The following ADGRF5 variants were observed in gnomAD, a reference collection of about 807,000 sequenced individuals.
The protein encoded by ADGRF5 is G-protein coupled receptor 116.
A neutral mutation model predicts 132.3 loss-of-function variants in ADGRF5; 75 were observed. That is an observed-to-expected ratio of 0.57 (90% CI 0.47 to 0.69). The LOEUF (loss-of-function observed/expected upper bound fraction) is 0.69, where lower values mean the gene tolerates loss of function less well. Ranked by LOEUF, ADGRF5 falls within the 30% of genes least tolerant of loss-of-function variation. The pLI, the probability that ADGRF5 is intolerant of heterozygous loss-of-function variation, is 0.00. For missense variants in ADGRF5, 1,516 were observed against 1,630.6 expected (o/e 0.93, Z 1.21); for synonymous variants, 629 against 597.6 (o/e 1.05, Z -0.77).
chr6:46,883,185 C>T (rs574043150), intron 6 of ADGRF5, among the ~76,000 whole-genome samples: 52 of 152,288 alleles, frequency 3.4e-4, no homozygotes, highest in African/African-American at 3.6e-4. Flanking sequence ...TGCTCAGCCA[C>T]GGGTTGGTCT....
At chr6:46,944,899 G>A (rs569288106) in intron 1 of ADGRF5, among the ~76,000 whole-genome samples, 2 of 152,212 alleles carry the variant, frequency 1.3e-5, no homozygotes, top group African/African-American at 4.8e-5. Context: ...GAGGTTGGGT[G>A]GAATCTGTAC....
chr6:46,906,026 G>C lies in ADGRF5; in HGVS notation c.102+635C>G, dbSNP rs1294586802. ...GTAACATGCCCTGTCTCTGGTGCAG[G>C]GAGAAGCTAAGTAAGGAATAACCTG... On this transcript the variant is annotated intron_variant, in intron 2 of 20. Coordinates refer to ENST00000283296, the MANE Select transcript of ADGRF5 (RefSeq NM_001098518.2). Among the ~76,000 whole-genome samples the C allele has an allele frequency of 2.6e-5, 4 of 152,144 alleles. No homozygotes were observed. In the East Asian group the frequency reaches 7.7e-4, roughly 29 times the overall value.
At chr6:46,926,482 AG>A (rs5875991), upstream of ADGRF5, among the ~76,000 whole-genome samples, 135,851 of 151,430 alleles carry the variant, frequency 0.9, 61,164 homozygotes, top group African/African-American at 0.91. Context: ...ATCTCGGGTG[AG>A]GGGGGGGGCA....
At position 46,866,984 on chromosome 6, in the gene ADGRF5, A is replaced by G. The variant is rs917189693; in HGVS notation, c.1775T>C (p.Ile592Thr). ...AACTTTGTAGTCTCCATCCTCCTCT[A>G]TGCAGCACTTGATGTGATGGGAACC... ...CSGSHHIKCC[I>T]EEDGDYKVTF... Residue 592 changes from isoleucine to threonine, a missense_variant, in exon 13 of 21, where the codon ATA (isoleucine) becomes ACA (threonine). Around this residue, in one of 2 missense-constraint regions of ADGRF5, gnomAD observed 945 missense variants for 929.4 expected, o/e 1.02. Transcript: ENST00000283296. 15 of 1,613,854 alleles carry G rather than the reference A, an allele frequency of 9.3e-6. No individual in the cohort carries two copies. The highest frequency in any genetic ancestry group is 4.5e-5 in the East Asian group (2 of 44,896).
chr6:46,868,868 C>T lies in ADGRF5; in HGVS notation c.1621+15G>A, dbSNP rs370343813. 5.5e-5 allele frequency: 85 copies of T among 1,553,420 alleles called. No individual in the cohort carries two copies. In the African/African-American group the frequency reaches 7.9e-4, roughly 14 times the overall value. Reference sequence around the variant, plus strand: ...AGCCCAGGCAGCACAATACGGTGTCCGGCCTTTCACTCACCATTCCACTCC... The same window carrying T: ...AGCCCAGGCAGCACAATACGGTGTCTGGCCTTTCACTCACCATTCCACTCC... On this transcript the variant is annotated intron_variant, in intron 12 of 20. Coordinates refer to ENST00000283296, the MANE Select transcript of ADGRF5 (RefSeq NM_001098518.2).
At chr6:46,922,955 C>T (rs928480182), upstream of ADGRF5, among the ~76,000 whole-genome samples, 36 of 152,184 alleles carry the variant, frequency 2.4e-4, no homozygotes, top group Non-Finnish European at 4.4e-5. Context: ...TAGACGGAGT[C>T]TCGCTCTGTC....
intron 2 of ADGRF5, among the ~76,000 whole-genome samples, chr6:46,900,472 C>T (rs1774638429): frequency 1.3e-5 from 2 of 152,192 alleles, no homozygotes; most frequent in African/African-American, 4.8e-5. Flanking sequence ...GTCTCACGAC[C>T]TCCTTCTCAA....
chr6:46,919,560 T>G (rs981833678), intron 1 of ADGRF5, among the ~76,000 whole-genome samples: 10 of 152,150 alleles, frequency 6.6e-5, no homozygotes, highest in African/African-American at 1.9e-4. Flanking sequence ...AAGTACCCCA[T>G]AGCGCAGTAA....
chr6:46,856,525 A>G (rs1769066625), intron 19 of ADGRF5, among the ~76,000 whole-genome samples, 193 bp downstream of exon 19: 1 of 152,250 alleles, frequency 6.6e-6, no homozygotes, highest in Non-Finnish European at 1.5e-5. Context: ...AATAGACAGA[A>G]TGACTTGAGA....
At chr6:46,931,516 T>C (rs543129281) in intron 1 of ADGRF5, among the ~76,000 whole-genome samples, 1 of 152,340 alleles carries the variant, frequency 6.6e-6, no homozygotes, top group South Asian at 2.1e-4. Context: ...GTTGGCCACT[T>C]CTTCCTTCTT....
chr6:46,925,821 G>T (rs1010482287), upstream of ADGRF5, among the ~76,000 whole-genome samples: 1 of 152,200 alleles, frequency 6.6e-6, no homozygotes, highest in South Asian at 2.1e-4. Flanking sequence ...AATTATTAAC[G>T]CCACAGCCCT....
intron 1 of ADGRF5, among the ~76,000 whole-genome samples, chr6:46,933,692 G>A (rs185792281): frequency 2.0e-5 from 3 of 152,296 alleles, no homozygotes; most frequent in African/African-American, 7.2e-5. Flanking sequence ...ACAGATTGTC[G>A]TCGGGCCTCA....
intron 10 of ADGRF5, among the ~76,000 whole-genome samples, chr6:46,875,709 G>A (rs527494174): frequency 7.9e-5 from 12 of 152,108 alleles, no homozygotes; most frequent in Non-Finnish European, 1.0e-4. Context: ...CCCCAGGAGC[G>A]GAGGTTGCAG....
intron 13 of ADGRF5, among the ~76,000 whole-genome samples, chr6:46,865,561 C>T (rs1359106807): frequency 6.6e-6 from 1 of 152,238 alleles, no homozygotes; most frequent in Non-Finnish European, 1.5e-5. Flanking sequence ...GTCTTCTCTA[C>T]TAGACCATAC....
chr6:46,940,230 C>T (rs148887108), intron 1 of ADGRF5, among the ~76,000 whole-genome samples: 79 of 152,316 alleles, frequency 5.2e-4, no homozygotes, highest in African/African-American at 1.8e-3. Flanking sequence ...ATTCATCACT[C>T]ATGTTAAAGA....
intron 1 of ADGRF5, among the ~76,000 whole-genome samples, chr6:46,918,659 A>G (rs1003728704): frequency 6.6e-6 from 1 of 152,228 alleles, no homozygotes; most frequent in Non-Finnish European, 1.5e-5. Context: ...CAACATATCT[A>G]CAGTGAAGTC....
chr6:46,903,719 A>G (rs1480110971), intron 2 of ADGRF5: 2 of 152,186 alleles, frequency 1.3e-5, no homozygotes, highest in African/African-American at 4.8e-5. Flanking sequence ...AGAATCCTCT[A>G]GCAATGTCTC....
intron 1 of ADGRF5, among the ~76,000 whole-genome samples, chr6:46,934,987 T>A (rs1399320015): frequency 6.7e-6 from 1 of 149,566 alleles, no homozygotes; most frequent in Non-Finnish European, 1.5e-5. Flanking sequence ...CACCACCATA[T>A]GGTGATAGTT....
chr6:46,912,175 C>A (rs1776009705), intron 1 of ADGRF5, among the ~76,000 whole-genome samples: 1 of 152,166 alleles, frequency 6.6e-6, no homozygotes, highest in Non-Finnish European at 1.5e-5. Flanking sequence ...CCTAGAAAGT[C>A]TAACTCAAGA....
Sources: gnomAD v4.1 joint callset for allele counts (sites outside exome capture counted in the v4.1 genomes callset) on GRCh38, gnomAD v4.1.1 for gene constraint, gnomAD v4.1.1 regional missense constraint, MANE v1.5 for transcripts, NCBI Gene and HGNC (gene_info 2026-07-23, HGNC 2026-07-21) for gene names.